The following STARD10 variants were observed in gnomAD, a reference collection of about 807,000 sequenced individuals.
STARD10 encodes the protein StAR related lipid transfer domain containing 10, also known as START domain-containing protein 10.
STARD10 carries 24 observed loss-of-function variants against 36.0 expected under a neutral mutation model. The ratio of observed to expected loss-of-function variants is 0.67; its 90% confidence interval spans 0.48 to 0.94. The LOEUF (loss-of-function observed/expected upper bound fraction) is 0.94. Ranked by LOEUF, STARD10 falls within the 40% of genes least tolerant of loss-of-function variation. The probability of loss-of-function intolerance (pLI) is 0.00; values close to 1 mark genes in which losing one functional copy is unlikely to be tolerated. For missense variants in STARD10, 335 were observed against 396.6 expected, an observed-to-expected ratio of 0.84 and a Z score of 1.32; for synonymous variants, 156 against 161.9, an observed-to-expected ratio of 0.96 and a Z score of 0.28.
At chr11:72,764,011 A>G (rs2135613506) in intron 2 of STARD10, among the ~76,000 whole-genome samples, 1 of 152,322 alleles carries the variant, frequency 6.6e-6, no homozygotes, top group African/African-American at 2.4e-5. Context: ...ATCAAAGAGC[A>G]CTCAAGCGTG....
intron 1 of STARD10, among the ~76,000 whole-genome samples, chr11:72,783,913 G>T (rs2449665): frequency 1 from 152,082 of 152,196 alleles, 75,984 homozygotes; most frequent in Non-Finnish European, 1. Flanking sequence ...ATCACTCAGA[G>T]CCAAACACAG....
At chr11:72,761,291 G>T (rs12287481) in intron 2 of STARD10, among the ~76,000 whole-genome samples, 24,447 of 152,064 alleles carry the variant, frequency 0.16, 2,742 homozygotes, top group African/African-American at 0.31. Flanking sequence ...GGGACTGACT[G>T]GCAGGACATA....
chr11:72,759,516 G>T, intron 2 of STARD10, 135 bp from the exon 3 acceptor site: 1 of 1,085,742 alleles, frequency 9.2e-7, no homozygotes, highest in Non-Finnish European at 1.3e-6. Context: ...AACCAGCATG[G>T]ACTTCCTTCT....
intron 2 of STARD10, among the ~76,000 whole-genome samples, chr11:72,772,565 C>T (rs773148162): frequency 3.3e-5 from 5 of 152,204 alleles, no homozygotes; most frequent in Admixed American, 6.5e-5. Flanking sequence ...GTAGCCACAT[C>T]CTCTTCTCTG....
intron 3 of STARD10, among the ~76,000 whole-genome samples, chr11:72,758,901 TGA>T (rs1458536550): frequency 6.6e-6 from 1 of 152,124 alleles, no homozygotes; most frequent in East Asian, 1.9e-4. Flanking sequence ...TACGTGAACG[TGA>T]GTGTACAAGA....
At chr11:72,755,867 G>T in intron 5 of STARD10, 114 bp from the exon 6 acceptor site, 1 of 972,304 alleles carries the variant, frequency 1.0e-6, no homozygotes, top group Admixed American at 2.7e-5. Flanking sequence ...TCCCCATGAG[G>T]AGGAGGTGTG....
At chr11:72,779,507 G>A (rs1377518394) in intron 2 of STARD10, among the ~76,000 whole-genome samples, 1 of 152,148 alleles carries the variant, frequency 6.6e-6, no homozygotes, top group Non-Finnish European at 1.5e-5. Flanking sequence ...AGAATCACTT[G>A]AACCTGGGAG....
Position 72,754,753 on chromosome 11 carries a change from G to A in STARD10, c.*144C>T, listed in dbSNP as rs1858614193. ...CTGAGGCTGTGGGATCGTTTATTGG[G>A]GCTCTGTCCAGCCAGGCTGCAGCAC... On this transcript the variant is annotated 3_prime_UTR_variant, in exon 7 of 7. Transcript: ENST00000334805. The A allele has an allele frequency of 2.4e-6, 3 of 1,259,002 alleles. No individual in the cohort carries two copies. The highest frequency in any genetic ancestry group is 1.5e-5 in the African/African-American group (1 of 66,852). The allele number at this position is 1,259,002 out of a possible 1,614,324, so 78.0% of individuals were successfully genotyped here.
intron 2 of STARD10, among the ~76,000 whole-genome samples, chr11:72,761,727 G>A (rs1858718067): frequency 6.6e-6 from 1 of 151,682 alleles, no homozygotes; most frequent in Non-Finnish European, 1.5e-5. Flanking sequence ...CTGGGTGACA[G>A]AGCAAGACTC....
chr11:72,770,526 T>A (rs898929365), intron 2 of STARD10, among the ~76,000 whole-genome samples: 104 of 152,284 alleles, frequency 6.8e-4, no homozygotes, highest in African/African-American at 2.3e-3. Flanking sequence ...CCTTACTTTT[T>A]TTCTTCCTAA....
chr11:72,776,351 T>C (rs748055305), intron 2 of STARD10, among the ~76,000 whole-genome samples: 158 of 152,226 alleles, frequency 1.0e-3, no homozygotes, highest in Non-Finnish European at 1.4e-3. Context: ...ACTGACCCAG[T>C]CCAAGGCCCT....
intron 2 of STARD10, among the ~76,000 whole-genome samples, chr11:72,764,749 GC>G (rs1858763767): frequency 6.6e-6 from 1 of 152,222 alleles, no homozygotes; most frequent in African/African-American, 2.4e-5. Flanking sequence ...AGGTGGGCGG[GC>G]CGGTACCAGG....
Position 72,772,365 on chromosome 11 carries a change from C to T in STARD10, c.207+8610G>A, listed in dbSNP as rs187248912. On this transcript the variant is annotated intron_variant, in intron 2 of 6. Coordinates refer to ENST00000334805, the MANE Select transcript of STARD10 (RefSeq NM_006645.3). ...TGGGCACGGTTCTCCCTGTGCCTGGCGCTGCCATAGGGGGCATGGTTCTCC... is the reference window on the plus strand; with the variant it reads ...TGGGCACGGTTCTCCCTGTGCCTGGTGCTGCCATAGGGGGCATGGTTCTCC... Among the ~76,000 whole-genome samples, 644 of 148,458 alleles carry T rather than the reference C, an allele frequency of 4.3e-3. 1 individual carries two copies. Among genetic ancestry groups the T allele is most frequent in the Middle Eastern group, 0.024 (7 of 288 alleles).
At chr11:72,791,328 T>C (rs755424541) in intron 1 of STARD10, among the ~76,000 whole-genome samples, 13 of 152,124 alleles carry the variant, frequency 8.5e-5, no homozygotes, top group African/African-American at 2.9e-4. Flanking sequence ...AAATGTTTGA[T>C]GAAGATGTTT....
At chr11:72,780,193 T>C (rs750884146) in intron 2 of STARD10, 2 of 446,620 alleles carry the variant, frequency 4.5e-6, no homozygotes. Flanking sequence ...TCTGGTCCCC[T>C]GGGGGATATG....
At chr11:72,776,496 T>C (rs1858932315) in intron 2 of STARD10, among the ~76,000 whole-genome samples, 2 of 152,068 alleles carry the variant, frequency 1.3e-5, no homozygotes. Flanking sequence ...CCTCCCACAA[T>C]GACACAGCAC....
At chr11:72,785,560 CAAAAAAAA>C (rs869274892) in intron 1 of STARD10, among the ~76,000 whole-genome samples, 8 of 41,560 alleles carry the variant, frequency 1.9e-4, no homozygotes, top group African/African-American at 7.4e-4. Flanking sequence ...GGCTCTGTCT[CAAAAAAAA>C]AAAAAAAAAA....
chr11:72,781,184 G>A lies in STARD10; in HGVS notation c.-3C>T. On this transcript the variant is annotated 5_prime_UTR_variant, in exon 2 of 7. Transcript: ENST00000334805. The surrounding 1 kb of genome is among the most constrained non-coding windows in gnomAD (Gnocchi z 4.7). ...GTAGAGGCCGCCAGCTTCTCCATGG[G>A]GAGTGTGGGGAGGCCCAGGGCCCTG... is the stretch of plus-strand genomic sequence containing the variant. The A allele has an allele frequency of 6.2e-7, 1 of 1,607,484 alleles. No homozygotes were observed. Among genetic ancestry groups the A allele is most frequent in the East Asian group, 2.2e-5 (1 of 44,854 alleles).
At chr11:72,790,487 G>T (rs1197704859) in intron 1 of STARD10, 1 of 152,314 alleles carries the variant, frequency 6.6e-6, no homozygotes, top group African/African-American at 2.4e-5. Flanking sequence ...AACAAGGTGG[G>T]CCGGGGGGGT....
Sources: allele counts gnomAD v4.1 joint callset (sites outside exome capture counted in the v4.1 genomes callset), GRCh38; gene constraint gnomAD v4.1.1; non-coding constraint Gnocchi (gnomAD v3.1); transcripts MANE v1.5; gene names NCBI Gene and HGNC (gene_info 2026-07-23, HGNC 2026-07-21).